GUCY1A2: variants seen among roughly 807,000 people sequenced by gnomAD.
GUCY1A2 encodes the protein guanylate cyclase soluble subunit alpha-2.
Under a neutral mutation model 63.5 loss-of-function variants are expected in GUCY1A2, and 27 were observed. That is an observed-to-expected ratio of 0.43 (90% CI 0.31 to 0.59). The LOEUF (loss-of-function observed/expected upper bound fraction) is 0.59, where lower values mean the gene tolerates loss of function less well. GUCY1A2 is among the 20% of genes least tolerant of loss of function. The pLI, the probability that GUCY1A2 is intolerant of heterozygous loss-of-function variation, is 0.11. For synonymous variants in GUCY1A2, 364 were observed against 343.5 expected (o/e 1.06, Z -0.66); for missense variants, 768 against 913.3 (o/e 0.84, Z 2.05).
chr11:106,714,024 T>TAA (rs778566490), intron 6 of GUCY1A2, among the ~76,000 whole-genome samples: 18 of 143,108 alleles, frequency 1.3e-4, no homozygotes, highest in African/African-American at 2.1e-4. Flanking sequence ...TTCTTTCTGT[T>TAA]AAAAAAAAAA....
intron 4 of GUCY1A2, among the ~76,000 whole-genome samples, chr11:106,810,948 T>C (rs1411532223): frequency 6.6e-6 from 1 of 152,056 alleles, no homozygotes; most frequent in East Asian, 1.9e-4. Flanking sequence ...TGGCCTTATG[T>C]AAATCATTTT....
chr11:107,017,028 TTTAAA>T (rs148954610), intron 1 of GUCY1A2, among the ~76,000 whole-genome samples: 19 of 151,816 alleles, frequency 1.3e-4, no homozygotes, highest in African/African-American at 4.4e-4. Context: ...AACCCGGGAC[TTTAAA>T]TTAAATTTAA....
intron 6 of GUCY1A2, among the ~76,000 whole-genome samples, chr11:106,747,027 G>T (rs1247193609): frequency 6.6e-6 from 1 of 152,076 alleles, no homozygotes; most frequent in Non-Finnish European, 1.5e-5. Context: ...TCGCTCTGTC[G>T]CCCACGCTGG....
At chr11:106,797,507 C>T (rs1864788247) in intron 5 of GUCY1A2, among the ~76,000 whole-genome samples, 1 of 152,120 alleles carries the variant, frequency 6.6e-6, no homozygotes, top group African/African-American at 2.4e-5. Flanking sequence ...CGCAGTTATT[C>T]CAAAACTAAC....
At chr11:106,862,711 G>A (rs963145666) in intron 4 of GUCY1A2, among the ~76,000 whole-genome samples, 8 of 151,868 alleles carry the variant, frequency 5.3e-5, no homozygotes, top group African/African-American at 1.9e-4. Context: ...ACCAGAAACT[G>A]GAATGAGGAG....
At chr11:106,931,269 C>T (rs183617266) in intron 4 of GUCY1A2, among the ~76,000 whole-genome samples, 1 of 152,068 alleles carries the variant, frequency 6.6e-6, no homozygotes, top group Admixed American at 6.5e-5. Context: ...AGATGTTTAC[C>T]ATCTTTAGTC....
chr11:106,866,734 G>A (rs1225633150), intron 4 of GUCY1A2, among the ~76,000 whole-genome samples: 1 of 152,000 alleles, frequency 6.6e-6, no homozygotes, highest in African/African-American at 2.4e-5. Context: ...AAAATGCACA[G>A]TATCTGTGGT....
chr11:106,804,080 G>A (rs755092594), intron 5 of GUCY1A2, among the ~76,000 whole-genome samples: 16 of 152,142 alleles, frequency 1.1e-4, no homozygotes, highest in Non-Finnish European at 1.8e-4. Context: ...AAAAATACAT[G>A]CTAATTTCCA....
rs1862351625 is a variant in GUCY1A2 at position 106,676,651 on chromosome 11, A to C, written c.*10898T>G. The stretch of plus-strand genomic sequence containing the variant: ...TAAGAAAGAAGACAGTGCATCAGTT[A>C]TCTCTAGATAAAGAGCCAGTAAAAT... On this transcript the variant is annotated 3_prime_UTR_variant, in exon 8 of 8. Transcript: ENST00000526355. The C allele has an allele frequency of 5.2e-6, 1 of 191,210 alleles. No homozygotes were observed. Among genetic ancestry groups the C allele is most frequent in the Non-Finnish European group, 1.1e-5 (1 of 91,152 alleles). 11.8% of individuals were successfully genotyped at this position (191,210 alleles called of 1,614,324 possible). A position where few individuals can be genotyped will look rare whatever the true frequency, so the allele number is the denominator to read the frequency against.
At chr11:106,866,252 A>G (rs895398346) in intron 4 of GUCY1A2, among the ~76,000 whole-genome samples, 2 of 152,008 alleles carry the variant, frequency 1.3e-5, no homozygotes, top group African/African-American at 2.4e-5. Context: ...AATTAAAAAA[A>G]AAATGAAAGA....
At position 106,675,782 on chromosome 11, in the gene GUCY1A2, C is replaced by G. The variant is rs544344523; in HGVS notation, c.*11767G>C. ...AAAGTAATCAGTATTTTCATAGATA[C>G]CAATTTATATGGTAGCTGCCTGTTT... On this transcript the variant is annotated 3_prime_UTR_variant, in exon 8 of 8. Transcript: ENST00000526355. 6.8e-5 allele frequency: 13 copies of G among 190,576 alleles called. No individual in the cohort carries two copies. The South Asian group carries it at 9.7e-4, about 14-fold the overall frequency. 11.8% of individuals were successfully genotyped at this position (190,576 alleles called of 1,614,324 possible).
intron 6 of GUCY1A2, chr11:106,746,475 T>C: frequency 2.7e-6 from 2 of 730,842 alleles, no homozygotes; most frequent in South Asian, 3.2e-5. Context: ...AGGATTATAC[T>C]CAAGGAAGTA....
At chr11:106,795,420 C>T (rs1864738729) in intron 5 of GUCY1A2, among the ~76,000 whole-genome samples, 1 of 152,138 alleles carries the variant, frequency 6.6e-6, no homozygotes, top group Non-Finnish European at 1.5e-5. Flanking sequence ...GCATAAAAAG[C>T]TATCCAATAT....
Position 106,675,718 on chromosome 11 carries a change from C to G in GUCY1A2, c.*11831G>C, listed in dbSNP as rs998894796. Reference sequence around the variant, plus strand: ...CAAGTATTAAGATTGTCCATCATTTCAAGACAAAGGTTTTCTTAACAGTGA... The same window carrying G: ...CAAGTATTAAGATTGTCCATCATTTGAAGACAAAGGTTTTCTTAACAGTGA... On this transcript the variant is annotated 3_prime_UTR_variant, in exon 8 of 8. Coordinates refer to ENST00000526355, the MANE Select transcript of GUCY1A2 (RefSeq NM_000855.3). The G allele has an allele frequency of 5.4e-6, 1 of 186,382 alleles. No homozygotes were observed. The highest frequency in any genetic ancestry group is 2.5e-5 in the African/African-American group (1 of 40,236). The allele number at this position is 186,382 out of a possible 1,614,324, so 11.5% of individuals were successfully genotyped here. A position where few individuals can be genotyped will look rare whatever the true frequency, so the allele number is the denominator to read the frequency against.
chr11:106,973,871 T>C (rs889929639), intron 3 of GUCY1A2, among the ~76,000 whole-genome samples: 3 of 152,168 alleles, frequency 2.0e-5, no homozygotes, highest in Non-Finnish European at 4.4e-5. Flanking sequence ...ATTTGTTTGT[T>C]ATATACCATG....
intron 4 of GUCY1A2, among the ~76,000 whole-genome samples, chr11:106,847,428 C>T (rs1859291547): frequency 6.6e-6 from 1 of 151,146 alleles, no homozygotes; most frequent in Non-Finnish European, 1.5e-5. Flanking sequence ...AAGTATCTGA[C>T]CCAAAGGAAA....
intron 6 of GUCY1A2, among the ~76,000 whole-genome samples, chr11:106,730,095 T>TA (rs1863476546): frequency 4.6e-4 from 56 of 121,648 alleles, no homozygotes; most frequent in South Asian, 1.1e-3. Flanking sequence ...TATATATATA[T>TA]TATAGTATAT....
At chr11:106,897,153 C>G (rs1193960046) in intron 4 of GUCY1A2, among the ~76,000 whole-genome samples, 2 of 151,998 alleles carry the variant, frequency 1.3e-5, no homozygotes, top group African/African-American at 2.4e-5. Flanking sequence ...TGTACAAGAT[C>G]ATTATGAAGA....
chr11:106,746,667 C>A (rs1479136863), intron 6 of GUCY1A2: 2 of 1,308,908 alleles, frequency 1.5e-6, no homozygotes, highest in African/African-American at 1.5e-5. Flanking sequence ...ACCGAGACAC[C>A]AAGTGAATCA....
Sources: allele counts gnomAD v4.1 joint callset (sites outside exome capture counted in the v4.1 genomes callset), GRCh38; gene constraint gnomAD v4.1.1; transcripts MANE v1.5; gene names NCBI Gene and HGNC (gene_info 2026-07-23, HGNC 2026-07-21).